PIMREG: variants seen among roughly 807,000 people sequenced by gnomAD.
PIMREG encodes PICALM interacting mitotic regulator, also known as protein PIMREG.
A neutral mutation model predicts 24.3 loss-of-function variants in PIMREG; 19 were observed. The ratio of observed to expected loss-of-function variants is 0.78; its 90% confidence interval spans 0.54 to 1.15. The LOEUF (loss-of-function observed/expected upper bound fraction) is 1.15. Among genes scored for constraint, PIMREG ranks in the 50% most tolerant of loss-of-function variants. The pLI, the probability that PIMREG is intolerant of heterozygous loss-of-function variation, is 0.00. For synonymous variants in PIMREG, 112 were observed against 124.1 expected, an observed-to-expected ratio of 0.90 and a Z score of 0.65; for missense variants, 283 against 306.8, an observed-to-expected ratio of 0.92 and a Z score of 0.58.
chr17:6,449,724 T>C, intron 4 of PIMREG: 4 of 1,399,996 alleles, frequency 2.9e-6, no homozygotes, highest in Non-Finnish European at 2.8e-6. Context: ...GGCTCGTCTG[T>C]GCCCTGCCTG....
chr17:6,450,696 T>A lies in PIMREG; in HGVS notation c.*349T>A, dbSNP rs945320527. ...TAACATGAAGTGCTAGCATCAGATATTTGAGAGCTCTTAGCTCTGTACCCG... is the reference window on the plus strand; with the variant it reads ...TAACATGAAGTGCTAGCATCAGATAATTGAGAGCTCTTAGCTCTGTACCCG... On this transcript the variant is annotated 3_prime_UTR_variant, in exon 6 of 6. Transcript: ENST00000572447. 3.6e-5 allele frequency: 15 copies of A among 421,234 alleles called. No homozygotes were observed. Among genetic ancestry groups the A allele is most frequent in the Non-Finnish European group, 5.9e-5 (14 of 237,932 alleles). 26.1% of individuals were successfully genotyped at this position (421,234 alleles called of 1,614,324 possible). A position where few individuals can be genotyped will look rare whatever the true frequency, so the allele number is the denominator to read the frequency against.
intron 5 of PIMREG, 111 bp from the exon 6 acceptor site, chr17:6,450,251 C>T: frequency 1.6e-6 from 2 of 1,214,036 alleles, no homozygotes; most frequent in East Asian, 2.5e-5. Context: ...CGCTGGGGGC[C>T]CCAAGTAGCT....
intron 4 of PIMREG, 198 bp from the exon 5 acceptor site, chr17:6,449,829 TC>T (rs1913745831): frequency 7.0e-7 from 1 of 1,419,696 alleles, no homozygotes. Context: ...GTTGTGGACC[TC>T]CCCTAACTTG....
chr17:6,449,245 C>G, intron 3 of PIMREG, 67 bp from the exon 4 acceptor site: 1 of 1,397,422 alleles, frequency 7.2e-7, no homozygotes, highest in Admixed American at 1.9e-5. Flanking sequence ...ACCCCGGTAC[C>G]GGGTTGCAAG....
At chr17:6,450,277 C>T in intron 5 of PIMREG, 85 bp from the exon 6 acceptor site, 1 of 1,318,826 alleles carries the variant, frequency 7.6e-7, no homozygotes, top group Non-Finnish European at 1.0e-6. Context: ...CACCTTCCAG[C>T]ACCCCCCACC....
intron 4 of PIMREG, 55 bp from the exon 5 acceptor site, chr17:6,449,973 G>T: frequency 6.4e-7 from 1 of 1,573,578 alleles, no homozygotes; most frequent in Admixed American, 1.7e-5. Flanking sequence ...AGGCTGGGAG[G>T]GCCCTCTCAG....
chr17:6,446,318 G>C (rs1247548231), intron 2 of PIMREG: 2 of 397,290 alleles, frequency 5.0e-6, no homozygotes, highest in African/African-American at 2.1e-5. Context: ...GGCTGCAGAG[G>C]CTTCTCCTCG....
intron 3 of PIMREG, among the ~76,000 whole-genome samples, 183 bp downstream of exon 3, chr17:6,447,941 G>T (rs982782609): frequency 6.6e-6 from 1 of 152,116 alleles, no homozygotes; most frequent in Non-Finnish European, 1.5e-5. Context: ...ACTGTTAAAT[G>T]TGTGTCCTGC....
chr17:6,445,860 G>C (rs1234110822), intron 2 of PIMREG, among the ~76,000 whole-genome samples: 1 of 152,222 alleles, frequency 6.6e-6, no homozygotes, highest in Non-Finnish European at 1.5e-5. Context: ...GTATCCCTGA[G>C]GAGAGCCAGA....
intron 2 of PIMREG, 169 bp from the exon 3 acceptor site, chr17:6,447,294 T>A: frequency 2.8e-6 from 2 of 714,140 alleles, no homozygotes; most frequent in East Asian, 5.2e-5. Context: ...TTTTGCATTT[T>A]TAGTAGAAAT....
At chr17:6,447,138 G>T (rs965511464) in intron 2 of PIMREG, among the ~76,000 whole-genome samples, 2 of 151,994 alleles carry the variant, frequency 1.3e-5, no homozygotes, top group Non-Finnish European at 2.9e-5. Flanking sequence ...TCGAGACAGG[G>T]TCTCACTCTG....
intron 3 of PIMREG, 78 bp downstream of exon 3, chr17:6,447,836 C>T (rs1339708160): frequency 2.7e-6 from 4 of 1,461,306 alleles, no homozygotes; most frequent in Admixed American, 4.7e-5. Context: ...ACCTCCCAGA[C>T]ACCAACTGGG....
intron 3 of PIMREG, among the ~76,000 whole-genome samples, chr17:6,448,301 A>AAAAAAAAAAAG (rs1259419657): frequency 2.1e-4 from 32 of 149,312 alleles, no homozygotes; most frequent in African/African-American, 4.9e-4. Flanking sequence ...AAAAAAAAAA[A>AAAAAAAAAAAG]AGAGAGAGAG....
chr17:6,450,194 G>A (rs190922504), intron 5 of PIMREG, 122 bp downstream of exon 5: 87 of 1,223,994 alleles, frequency 7.1e-5, no homozygotes, highest in East Asian at 2.2e-4. Context: ...CCTACTTGCC[G>A]CTTGAAGCCA....
chr17:6,445,426 A>G, intron 2 of PIMREG, 22 bp downstream of exon 2: 1 of 1,580,446 alleles, frequency 6.3e-7, no homozygotes, highest in Non-Finnish European at 8.6e-7. Context: ...AACACTAATC[A>G]TCTTTTTTAT....
rs367620621 is a variant in PIMREG, at chr17:6,445,690, G to A, written c.294+286G>A. The stretch of plus-strand genomic sequence containing the variant: ...TGCAAAGCAAGTGACCAATAGTGAG[G>A]CTCACCAAATGCAAGCTTAGTCGGT... On this transcript the variant is annotated intron_variant, in intron 2 of 5. Transcript: ENST00000572447. 1.0e-3 allele frequency among the ~76,000 whole-genome samples: 154 copies of A among 152,322 alleles called. 1 individual carries two copies. Among genetic ancestry groups the A allele is most frequent in the African/African-American group, 3.5e-3 (146 of 41,564 alleles).
intron 3 of PIMREG, among the ~76,000 whole-genome samples, chr17:6,448,338 C>G (rs1188929477): frequency 7.3e-6 from 1 of 136,938 alleles, no homozygotes; most frequent in Non-Finnish European, 1.6e-5. Context: ...CAACTAGATT[C>G]CTAAGGATTG....
chr17:6,447,249 T>A (rs1913612794), intron 2 of PIMREG: 1 of 500,598 alleles, frequency 2.0e-6, no homozygotes, highest in Admixed American at 3.3e-5. Context: ...GTAGCTGGGA[T>A]TACAGGCACC....
chr17:6,449,536 T>C, intron 4 of PIMREG, 129 bp downstream of exon 4: 1 of 1,025,076 alleles, frequency 9.8e-7, no homozygotes, highest in Non-Finnish European at 1.4e-6. Context: ...TCTCTGGGCC[T>C]CAGTCTCCCT....
Sources: gnomAD v4.1 joint callset for allele counts (sites outside exome capture counted in the v4.1 genomes callset) on GRCh38, gnomAD v4.1.1 for gene constraint, MANE v1.5 for transcripts, NCBI Gene and HGNC (gene_info 2026-07-23, HGNC 2026-07-21) for gene names.